INO80: variants seen among roughly 807,000 people sequenced by gnomAD.
The protein encoded by INO80 is INO80 complex ATPase subunit, also known as chromatin-remodeling ATPase INO80.
Under a neutral mutation model 203.4 loss-of-function variants are expected in INO80, and 20 were observed. That is an observed-to-expected ratio of 0.10 (90% CI 0.07 to 0.14). INO80 has a LOEUF of 0.14. Among genes scored for constraint, INO80 ranks in the 10% least tolerant of loss-of-function variants. The pLI, the probability that INO80 is intolerant of heterozygous loss-of-function variation, is 1.00. For synonymous variants in INO80, 726 were observed against 685.2 expected, an observed-to-expected ratio of 1.06 and a Z score of -0.93; for missense variants, 1,419 against 1,914.4, an observed-to-expected ratio of 0.74 and a Z score of 4.83.
At chr15:41,055,908 T>C (rs926256082) in intron 17 of INO80, among the ~76,000 whole-genome samples, 1 of 151,760 alleles carries the variant, frequency 6.6e-6, no homozygotes, top group Non-Finnish European at 1.5e-5. Flanking sequence ...ATAAAATATA[T>C]ACTATCTGTC....
intron 1 of INO80, among the ~76,000 whole-genome samples, chr15:41,107,029 C>G (rs558496387): frequency 6.6e-6 from 1 of 152,328 alleles, no homozygotes; most frequent in Admixed American, 6.5e-5. Flanking sequence ...TATGTACAGT[C>G]CCTTTTGTCT....
Position 40,984,236 on chromosome 15 carries a change from G to T in INO80, c.4038C>A (p.Phe1346Leu). The change falls in exon 33 of 36, where the codon TTC becomes TTA. Residue 1346 changes from phenylalanine (F) to leucine (L), a missense_variant. This residue lies in a region of INO80 where 214 missense variants were observed against 248.9 expected (regional missense o/e 0.86). Coordinates refer to ENST00000648947, the MANE Select transcript of INO80 (RefSeq NM_017553.3). The stretch of plus-strand genomic sequence containing the variant: ...TTGGCATGGCTGAGTCCACGCTAAT[G>T]AAGGAGTCATCTCCGTCAGCAGAGA... ...SNLSADGDDS[F>L]ISVDSAMPSP... is the part of the protein sequence containing the mutation. 1 of 1,613,858 alleles carries T rather than the reference G, an allele frequency of 6.2e-7. No homozygotes were observed. Among genetic ancestry groups the T allele is most frequent in the South Asian group, 1.1e-5 (1 of 90,998 alleles).
intron 14 of INO80, among the ~76,000 whole-genome samples, chr15:41,067,657 C>T (rs1461889650): frequency 6.6e-6 from 1 of 152,104 alleles, no homozygotes. Context: ...GTGGGAAATC[C>T]CAGACAATTT....
intron 28 of INO80, among the ~76,000 whole-genome samples, chr15:40,999,656 T>C (rs1019287778): frequency 2.1e-4 from 32 of 152,208 alleles, no homozygotes; most frequent in Admixed American, 1.2e-3. Flanking sequence ...AACGCCATCT[T>C]TATGATTAAA....
intron 19 of INO80, among the ~76,000 whole-genome samples, chr15:41,050,938 C>G (rs562662383): frequency 3.9e-5 from 6 of 152,126 alleles, no homozygotes; most frequent in Admixed American, 1.3e-4. Flanking sequence ...CAAGACCAGC[C>G]TGGCCAACAT....
At chr15:41,093,636 G>T (rs1217818375) in intron 4 of INO80, among the ~76,000 whole-genome samples, 1 of 152,082 alleles carries the variant, frequency 6.6e-6, no homozygotes, top group Non-Finnish European at 1.5e-5. Flanking sequence ...GGCTGAGGCA[G>T]GCAGATTGCT....
chr15:41,044,982 G>A lies in INO80; in HGVS notation c.2829C>T (p.Tyr943=), dbSNP rs61757230. The A allele has an allele frequency of 3.5e-3, 5,607 of 1,614,000 alleles. 27 individuals are homozygous for A. The highest frequency in any genetic ancestry group is 0.012 in the South Asian group (1,081 of 91,058). ...CAAGAAGGAAATCCTTGTTCCTCAG[G>A]TATCTCTGGTGGCTCTCCCCTTCTG... ...GAPEGESHQR[Y]LRNKDFLLGV... Residue 943 remains tyrosine (Y), a synonymous_variant, in exon 24 of 36, where the codon TAC becomes TAT. Transcript: ENST00000648947.
At chr15:41,066,625 T>C (rs939412172) in intron 14 of INO80, among the ~76,000 whole-genome samples, 4 of 151,158 alleles carry the variant, frequency 2.6e-5, no homozygotes, top group African/African-American at 7.3e-5. Context: ...GGCCAGGAGT[T>C]AGAGACCAGC....
intron 1 of INO80, among the ~76,000 whole-genome samples, chr15:41,098,074 T>C (rs2045752213): frequency 6.6e-6 from 1 of 152,128 alleles, no homozygotes; most frequent in African/African-American, 2.4e-5. Flanking sequence ...ATGGTCTTGA[T>C]CTCCTGACCT....
At chr15:40,980,485 T>G (rs1343825462) in intron 35 of INO80, 45 bp from the exon 36 acceptor site, 1 of 1,463,864 alleles carries the variant, frequency 6.8e-7, no homozygotes, top group Non-Finnish European at 9.5e-7. Context: ...CAGTCCCGCG[T>G]AAGCTTCCTT....
chr15:41,079,574 C>CAAAAAAAAAAAA (rs57754557), intron 9 of INO80, 127 bp downstream of exon 9: 3 of 560,364 alleles, frequency 5.4e-6, no homozygotes, highest in Non-Finnish European at 2.9e-6. Flanking sequence ...GCATCTCTAC[C>CAAAAAAAAAAAA]AAAAAAAAAA....
In INO80 at chr15:41,074,409, C is replaced by T; in HGVS notation, c.1288G>A (p.Gly430Ser). 6.2e-7 allele frequency: 1 copy of T among 1,613,924 alleles called. No individual in the cohort carries two copies. Residue 430 changes from glycine to serine, a missense_variant, in exon 10 of 36, where the codon GGT becomes AGT. By Grantham distance (56) the Gly-to-Ser change is moderately conservative. Transcript: ENST00000648947. ...GTGATGTTAACTACCACTCCTCCACCTATATCGATTTGTCTCTGGGTAGAA... is the reference window on the plus strand; with the variant it reads ...GTGATGTTAACTACCACTCCTCCACTTATATCGATTTGTCTCTGGGTAGAA... ...DSSTQRQIDI[G>S]GGVVVNITQE... is the part of the protein sequence containing the mutation.
At chr15:41,015,610 C>G (rs971604900) in intron 27 of INO80, among the ~76,000 whole-genome samples, 22 of 151,970 alleles carry the variant, frequency 1.4e-4, no homozygotes, top group Admixed American at 3.9e-4. Context: ...GGAGCTAACT[C>G]TGCTCCCTTT....
chr15:41,108,591 CAAAAA>C (rs61591905), intron 1 of INO80, among the ~76,000 whole-genome samples: 2 of 53,204 alleles, frequency 3.8e-5, no homozygotes, highest in African/African-American at 6.8e-5. Context: ...GACTCCGTCT[CAAAAA>C]AAAAAAAAAA....
At chr15:41,079,420 C>T (rs983925787) in intron 9 of INO80, among the ~76,000 whole-genome samples, 2 of 151,930 alleles carry the variant, frequency 1.3e-5, no homozygotes, top group East Asian at 3.9e-4. Flanking sequence ...TACCAAAAGA[C>T]TAAAAGCAGA....
intron 24 of INO80, among the ~76,000 whole-genome samples, chr15:41,035,540 G>A (rs1468219387): frequency 3.3e-5 from 5 of 149,826 alleles, no homozygotes; most frequent in Non-Finnish European, 7.4e-5. Flanking sequence ...AAAAAAAAAA[G>A]ACCGGGCGCG....
intron 17 of INO80, 114 bp downstream of exon 17, chr15:41,056,508 C>G: frequency 1.3e-6 from 1 of 776,694 alleles, no homozygotes; most frequent in Non-Finnish European, 2.1e-6. Context: ...TATGTGGGGA[C>G]TATAATTTAT....
chr15:41,111,557 C>A (rs2045958834), intron 1 of INO80, among the ~76,000 whole-genome samples: 1 of 152,118 alleles, frequency 6.6e-6, no homozygotes, highest in Non-Finnish European at 1.5e-5. Flanking sequence ...GTAATCCCAG[C>A]ACTTTGGGAG....
chr15:41,082,898 A>G (rs1399897807), intron 7 of INO80, among the ~76,000 whole-genome samples: 2 of 150,764 alleles, frequency 1.3e-5, no homozygotes, highest in African/African-American at 4.9e-5. Context: ...AGAAATGAAA[A>G]CTCATTTCTT....
Sources: gnomAD v4.1 joint callset for allele counts (sites outside exome capture counted in the v4.1 genomes callset) on GRCh38, gnomAD v4.1.1 for gene constraint, gnomAD v4.1.1 regional missense constraint, MANE v1.5 for transcripts, NCBI Gene and HGNC (gene_info 2026-07-23, HGNC 2026-07-21) for gene names.